The following MECOM variants were observed in gnomAD, a reference collection of about 807,000 sequenced individuals.
MECOM encodes the protein MDS1 and EVI1 complex locus, also known as histone-lysine N-methyltransferase MECOM.
In MECOM, 13 loss-of-function variants were observed where a neutral mutation model predicts 116.3. The ratio of observed to expected loss-of-function variants is 0.11; its 90% CI spans 0.07 to 0.18. The LOEUF (loss-of-function observed/expected upper bound fraction) is 0.18, where lower values mean the gene tolerates loss of function less well. Among genes scored for constraint, MECOM ranks in the 10% least tolerant of loss-of-function variants. The pLI, the probability that MECOM is intolerant of heterozygous loss-of-function variation, is 1.00. For missense variants in MECOM, 1,299 were observed against 1,509.0 expected (o/e 0.86, Z 2.31); for synonymous variants, 528 against 535.2 (o/e 0.99, Z 0.19).
chr3:169,482,647 C>A (rs772237204), intron 1 of MECOM, among the ~76,000 whole-genome samples: 1 of 152,156 alleles, frequency 6.6e-6, no homozygotes, highest in African/African-American at 2.4e-5. Flanking sequence ...CACCTTCTAA[C>A]AAGATGAAGT....
intron 2 of MECOM, among the ~76,000 whole-genome samples, chr3:169,334,777 T>C (rs1172784131): frequency 6.6e-6 from 1 of 152,160 alleles, no homozygotes; most frequent in Non-Finnish European, 1.5e-5. Context: ...CATGTATCCC[T>C]TTGGAGCCAG....
At position 169,180,793 on chromosome 3, in the gene MECOM, T is replaced by TTATATATATATATA. The variant is rs1415631608; in HGVS notation, c.376-36962_376-36961insTATATATATATATA. Among the ~76,000 whole-genome samples, 94 of 71,102 alleles carry TTATATATATATATA rather than the reference T, an allele frequency of 1.3e-3. 3 individuals carry two copies. Among genetic ancestry groups the TTATATATATATATA allele is most frequent in the African/African-American group, 3.3e-3 (51 of 15,566 alleles). 46.6% of individuals were successfully genotyped at this position (71,102 alleles called of 152,430 possible). On this transcript the variant is annotated intron_variant, in intron 2 of 16. Transcript: ENST00000651503. The stretch of plus-strand genomic sequence containing the variant: ...TTATGTATGTGTGTGTGTGTGGAGA[T>TTATATATATATATA]GATATATATATATATATATATCAGG...
intron 2 of MECOM, among the ~76,000 whole-genome samples, chr3:169,179,323 A>G (rs1348909753): frequency 6.6e-6 from 1 of 152,228 alleles, no homozygotes; most frequent in Non-Finnish European, 1.5e-5. Flanking sequence ...TCCACTCTCA[A>G]TGCTAGTGTG....
In MECOM at chr3:169,084,843, A is replaced by C. The variant is rs936097846; in HGVS notation, c.*66T>G. ...GGCATTCTGCTCAGCAGTCTTGTAAATAGTCCTATATGAAAGAGCCATGCT... is the reference window on the plus strand; with the variant it reads ...GGCATTCTGCTCAGCAGTCTTGTAACTAGTCCTATATGAAAGAGCCATGCT... On this transcript the variant is annotated 3_prime_UTR_variant, in exon 17 of 17. Coordinates refer to ENST00000651503, the MANE Select transcript of MECOM (RefSeq NM_004991.4). 6.3e-7 allele frequency: 1 copy of C among 1,592,238 alleles called. No homozygotes were observed. The highest frequency in any genetic ancestry group is 1.3e-5 in the African/African-American group (1 of 74,500).
At chr3:169,640,500 G>T (rs1182084576) in intron 1 of MECOM, among the ~76,000 whole-genome samples, 1 of 152,214 alleles carries the variant, frequency 6.6e-6, no homozygotes, top group African/African-American at 2.4e-5. Context: ...ACTTGTAGGA[G>T]TCTGTCCATC....
At chr3:169,145,030 G>C (rs374040110) in intron 2 of MECOM, 67 of 1,555,794 alleles carry the variant, frequency 4.3e-5, no homozygotes, top group Non-Finnish European at 5.7e-5. Context: ...TGCTCCAAGG[G>C]CTTTAGTCAA....
intron 1 of MECOM, among the ~76,000 whole-genome samples, chr3:169,518,882 T>G (rs1757023130): frequency 6.6e-6 from 1 of 152,198 alleles, no homozygotes; most frequent in Non-Finnish European, 1.5e-5. Flanking sequence ...CTTTGTCTGC[T>G]GCCATTCATG....
chr3:169,483,973 G>T (rs1371279947), intron 1 of MECOM: 2 of 1,595,998 alleles, frequency 1.3e-6, no homozygotes, highest in East Asian at 4.5e-5. Flanking sequence ...CTACAGGGTG[G>T]GTGCAATCAA....
chr3:169,276,995 G>C (rs1425768949), intron 2 of MECOM, among the ~76,000 whole-genome samples: 2 of 134,274 alleles, frequency 1.5e-5, no homozygotes, highest in Admixed American at 1.4e-4. Context: ...GCTAATTTAT[G>C]TTACACACAC....
At chr3:169,195,550 A>G (rs1465408487) in intron 2 of MECOM, among the ~76,000 whole-genome samples, 2 of 152,098 alleles carry the variant, frequency 1.3e-5, no homozygotes, top group African/African-American at 2.4e-5. Context: ...TATTAACGCC[A>G]GTTAATTCCT....
chr3:169,319,333 C>G (rs1720396711), intron 2 of MECOM, among the ~76,000 whole-genome samples: 1 of 151,626 alleles, frequency 6.6e-6, no homozygotes, highest in Admixed American at 6.6e-5. Flanking sequence ...AACAGAAAAC[C>G]AAACACTGCA....
intron 1 of MECOM, among the ~76,000 whole-genome samples, chr3:169,493,946 T>TAATC: frequency 6.6e-6 from 1 of 152,070 alleles, no homozygotes; most frequent in Non-Finnish European, 1.5e-5. Flanking sequence ...GTGGTTAAAT[T>TAATC]AATCAAAGTA....
intron 2 of MECOM, among the ~76,000 whole-genome samples, chr3:169,309,681 C>T (rs1422234376): frequency 6.6e-6 from 1 of 152,118 alleles, no homozygotes; most frequent in Non-Finnish European, 1.5e-5. Flanking sequence ...CTCATATAAC[C>T]ACCCATATCA....
chr3:169,267,028 G>A (rs1445207078), intron 2 of MECOM, among the ~76,000 whole-genome samples: 1 of 152,192 alleles, frequency 6.6e-6, no homozygotes, highest in Non-Finnish European at 1.5e-5. Context: ...GCCCCTCAAA[G>A]GGGACTGACT....
At chr3:169,418,275 A>G (rs1013088849) in intron 1 of MECOM, among the ~76,000 whole-genome samples, 1 of 152,124 alleles carries the variant, frequency 6.6e-6, no homozygotes, top group Non-Finnish European at 1.5e-5. Context: ...CCAACCAAAA[A>G]AAGCCCAGGA....
At chr3:169,649,329 A>G (rs1448650117) in intron 1 of MECOM, among the ~76,000 whole-genome samples, 1 of 140,360 alleles carries the variant, frequency 7.1e-6, no homozygotes, top group Non-Finnish European at 1.5e-5. Flanking sequence ...GAATCGCTTG[A>G]ACCCAGGAGG....
At chr3:169,573,492 G>A (rs946254892) in intron 1 of MECOM, among the ~76,000 whole-genome samples, 15 of 152,168 alleles carry the variant, frequency 9.9e-5, no homozygotes, top group Admixed American at 3.3e-4. Context: ...GCAGCATACC[G>A]TCAGCCAGAC....
At chr3:169,245,314 G>A (rs1755445325) in intron 2 of MECOM, among the ~76,000 whole-genome samples, 1 of 151,952 alleles carries the variant, frequency 6.6e-6, no homozygotes, top group South Asian at 2.1e-4. Flanking sequence ...CTTGCCACAA[G>A]ATAGAAGAAA....
intron 10 of MECOM, among the ~76,000 whole-genome samples, chr3:169,104,165 G>A (rs1187080406): frequency 2.6e-5 from 4 of 152,158 alleles, no homozygotes; most frequent in African/African-American, 9.7e-5. Context: ...TTGTCACTAT[G>A]AAGGATTTTG....
Sources: allele counts gnomAD v4.1 joint callset (sites outside exome capture counted in the v4.1 genomes callset), GRCh38; gene constraint gnomAD v4.1.1; transcripts MANE v1.5; gene names NCBI Gene and HGNC (gene_info 2026-07-23, HGNC 2026-07-21).